CACNA1A: variants seen among roughly 807,000 people sequenced by gnomAD.
CACNA1A encodes the protein voltage-dependent P/Q-type calcium channel subunit alpha-1A.
In CACNA1A, 57 loss-of-function variants were observed where a neutral mutation model predicts 262.4. The observed-to-expected ratio is 0.22, with a 90% CI of 0.18 to 0.27. The LOEUF is 0.27. CACNA1A is among the 10% of genes least tolerant of loss of function. CACNA1A has a pLI of 1.00. For missense variants in CACNA1A, 2,526 were observed against 3,562.8 expected, an observed-to-expected ratio of 0.71 and a Z score of 7.41; for synonymous variants, 1,431 against 1,419.3, an observed-to-expected ratio of 1.01 and a Z score of -0.18.
At chr19:13,377,411 C>G (rs1425916536) in intron 3 of CACNA1A, among the ~76,000 whole-genome samples, 1 of 150,588 alleles carries the variant, frequency 6.6e-6, no homozygotes, top group Non-Finnish European at 1.5e-5. Context: ...CACTCTGTCG[C>G]TGCAGTGGTG....
At chr19:13,294,148 T>C (rs2057606834) in intron 19 of CACNA1A, among the ~76,000 whole-genome samples, 1 of 140,322 alleles carries the variant, frequency 7.1e-6, no homozygotes, top group South Asian at 2.2e-4. Flanking sequence ...TGCTCATCTC[T>C]AAAATGAGCA....
chr19:13,351,282 G>A (rs2058903538), intron 6 of CACNA1A, among the ~76,000 whole-genome samples: 1 of 152,168 alleles, frequency 6.6e-6, no homozygotes, highest in Non-Finnish European at 1.5e-5. Context: ...TTGTAAGAAA[G>A]ATTTGCCTGT....
intron 37 of CACNA1A, chr19:13,226,266 G>C (rs1191368768): frequency 1.5e-5 from 2 of 130,648 alleles, no homozygotes; most frequent in African/African-American, 2.9e-5. Context: ...GGGGGGGGGG[G>C]GGGGCGGCAG....
intron 37 of CACNA1A, chr19:13,225,298 G>GC (rs1360053431): frequency 1.9e-5 from 3 of 155,980 alleles, no homozygotes; most frequent in South Asian, 4.0e-4. Context: ...CAGGCAGGCA[G>GC]CCCCCCACTG....
chr19:13,282,213 G>A (rs1200922239), intron 22 of CACNA1A, among the ~76,000 whole-genome samples: 3 of 152,224 alleles, frequency 2.0e-5, no homozygotes, highest in South Asian at 2.1e-4. Flanking sequence ...AGCTGTGGGC[G>A]GGCTTGAGGG....
At chr19:13,341,636 T>C (rs1393815257) in intron 6 of CACNA1A, among the ~76,000 whole-genome samples, 3 of 152,196 alleles carry the variant, frequency 2.0e-5, no homozygotes. Flanking sequence ...GAATGCTCTT[T>C]CCTGAGATTG....
At chr19:13,459,853 C>G (rs1383102458) in intron 1 of CACNA1A, among the ~76,000 whole-genome samples, 1 of 152,152 alleles carries the variant, frequency 6.6e-6, no homozygotes, top group Non-Finnish European at 1.5e-5. Flanking sequence ...CACCATGCAG[C>G]ATGCAGCACT....
intron 36 of CACNA1A, among the ~76,000 whole-genome samples, chr19:13,228,465 A>C (rs905681418): frequency 3.3e-5 from 5 of 151,988 alleles, no homozygotes; most frequent in African/African-American, 1.2e-4. Flanking sequence ...GAGCAAGCAA[A>C]GATGGCTGAA....
rs1046933235 is a variant in CACNA1A at position 13,460,353 on chromosome 19, GTTTCTCCTCCAAGC to G, written c.294-5155_294-5142del. Reference sequence around the variant, plus strand: ...CATCCAGAAAGAGGTGGGGGTTCCTGTTTCTCCTCCAAGCTTTCTCCTCCACGTTCTGACCCCAG... The same window carrying G: ...CATCCAGAAAGAGGTGGGGGTTCCTGTTTCTCCTCCACGTTCTGACCCCAG... On this transcript the variant is annotated intron_variant, in intron 1 of 46. Coordinates refer to ENST00000360228, the MANE Select transcript of CACNA1A (RefSeq NM_001127222.2). 7.9e-5 allele frequency among the ~76,000 whole-genome samples: 12 copies of G among 152,280 alleles called. 1 individual carries two copies. Among genetic ancestry groups the G allele is most frequent in the African/African-American group, 2.9e-4 (12 of 41,554 alleles).
At chr19:13,222,973 G>C (rs982907270) in intron 38 of CACNA1A, among the ~76,000 whole-genome samples, 1 of 152,112 alleles carries the variant, frequency 6.6e-6, no homozygotes, top group African/African-American at 2.4e-5. Context: ...GATTACAGGC[G>C]TAAGCCACTG....
At chr19:13,384,498 G>C (rs1281771009) in intron 3 of CACNA1A, among the ~76,000 whole-genome samples, 2 of 152,178 alleles carry the variant, frequency 1.3e-5, no homozygotes, top group Non-Finnish European at 2.9e-5. Flanking sequence ...AGGAGTTCGA[G>C]ATCAGCCTGG....
At chr19:13,341,181 G>T (rs1251375876) in intron 6 of CACNA1A, among the ~76,000 whole-genome samples, 2 of 152,120 alleles carry the variant, frequency 1.3e-5, no homozygotes, top group East Asian at 1.9e-4. Flanking sequence ...GGAGATGAAG[G>T]CGGGATCAGG....
Position 13,475,545 on chromosome 19 carries a change from C to T in CACNA1A, c.294-20333G>A, listed in dbSNP as rs150459287. Among the ~76,000 whole-genome samples the T allele has an allele frequency of 1.9e-3, 292 of 152,318 alleles. 4 individuals carry two copies. Among genetic ancestry groups the T allele is most frequent in the African/African-American group, 6.8e-3 (283 of 41,570 alleles). On this transcript the variant is annotated intron_variant, in intron 1 of 46. Transcript: ENST00000360228. ...CTTCAGGGAGGTGGGGAAAATGACACTCTACTCTGTGCCCAGAGAAAAACA... is the reference window on the plus strand; with the variant it reads ...CTTCAGGGAGGTGGGGAAAATGACATTCTACTCTGTGCCCAGAGAAAAACA...
intron 1 of CACNA1A, among the ~76,000 whole-genome samples, chr19:13,474,714 T>C (rs191257557): frequency 6.6e-6 from 1 of 151,586 alleles, no homozygotes; most frequent in African/African-American, 2.4e-5. Context: ...CTACTTGGGA[T>C]GCTGAGGCAG....
intron 3 of CACNA1A, among the ~76,000 whole-genome samples, chr19:13,432,331 C>T (rs974457666): frequency 6.6e-6 from 1 of 151,586 alleles, no homozygotes; most frequent in African/African-American, 2.4e-5. Flanking sequence ...TGGAGAATCG[C>T]TTGAACCCAG....
chr19:13,325,729 T>C (rs1331302754), intron 10 of CACNA1A, among the ~76,000 whole-genome samples: 1 of 152,194 alleles, frequency 6.6e-6, no homozygotes, highest in African/African-American at 2.4e-5. Context: ...TGCCCAGCCA[T>C]ACTGTTATTT....
chr19:13,499,447 T>TG (rs200317630), intron 1 of CACNA1A, among the ~76,000 whole-genome samples: 29,112 of 85,042 alleles, frequency 0.34, 5,044 homozygotes, highest in Non-Finnish European at 0.42. Context: ...TCGCAGGGGG[T>TG]GGTGGGGGGG....
rs10425460 is a variant in CACNA1A at position 13,330,527 on chromosome 19, A to T, written c.1256-194T>A. ...CACTTTGCTTAAAGGGGTAAAGACAAGAATCAAGTCGGGTTCAGTCCGACT... is the reference window on the plus strand; with the variant it reads ...CACTTTGCTTAAAGGGGTAAAGACATGAATCAAGTCGGGTTCAGTCCGACT... On this transcript the variant is annotated intron_variant, in intron 9 of 46. Transcript: ENST00000360228. Among the ~76,000 whole-genome samples the T allele has an allele frequency of 0.047, 7,101 of 151,884 alleles. 215 individuals carry two copies. Among genetic ancestry groups the T allele is most frequent in the Middle Eastern group, 0.055 (16 of 292 alleles).
chr19:13,495,629 A>G (rs1220019257), intron 1 of CACNA1A, among the ~76,000 whole-genome samples: 1 of 152,194 alleles, frequency 6.6e-6, no homozygotes. Flanking sequence ...AAAAGGTACA[A>G]ATAAGGTGGT....
Sources: gnomAD v4.1 joint callset for allele counts (sites outside exome capture counted in the v4.1 genomes callset) on GRCh38, gnomAD v4.1.1 for gene constraint, MANE v1.5 for transcripts, NCBI Gene and HGNC (gene_info 2026-07-23, HGNC 2026-07-21) for gene names.